Variants in NRF1 observed in about 807,000 individuals in gnomAD.
NRF1 encodes the protein nuclear respiratory factor 1.
A neutral mutation model predicts 58.5 loss-of-function variants in NRF1; 5 were observed. The ratio of observed to expected loss-of-function variants is 0.09; its 90% CI spans 0.04 to 0.18. The LOEUF (loss-of-function observed/expected upper bound fraction) is 0.18, where lower values mean the gene tolerates loss of function less well. Among genes scored for constraint, NRF1 ranks in the 10% least tolerant of loss-of-function variants. NRF1 has a pLI of 1.00. For synonymous variants in NRF1, 224 were observed against 246.7 expected, an observed-to-expected ratio of 0.91 and a Z score of 0.86; for missense variants, 288 against 657.7, an observed-to-expected ratio of 0.44 and a Z score of 6.15.
intron 1 of NRF1, among the ~76,000 whole-genome samples, chr7:129,634,132 A>G (rs950598174): frequency 1.3e-5 from 2 of 151,014 alleles, no homozygotes; most frequent in Non-Finnish European, 2.9e-5. Context: ...TTGAGTGGAG[A>G]GTATGGAGAG....
intron 5 of NRF1, among the ~76,000 whole-genome samples, chr7:129,705,746 T>A (rs974356931): frequency 6.6e-6 from 1 of 151,494 alleles, no homozygotes; most frequent in Non-Finnish European, 1.5e-5. Context: ...GGAGACCCCT[T>A]CTCTACAAAA....
intron 4 of NRF1, among the ~76,000 whole-genome samples, chr7:129,683,863 C>T (rs903144011): frequency 2.0e-5 from 3 of 152,054 alleles, no homozygotes; most frequent in East Asian, 3.9e-4. Flanking sequence ...GAACTCCTAA[C>T]CTCAGGTGAT....
At chr7:129,692,467 C>T (rs921461188) in intron 5 of NRF1, among the ~76,000 whole-genome samples, 1 of 151,974 alleles carries the variant, frequency 6.6e-6, no homozygotes, top group Non-Finnish European at 1.5e-5. Context: ...GTGGGAGGAT[C>T]GTTTGAGCCC....
At chr7:129,725,700 T>G (rs1432689160) in intron 9 of NRF1, among the ~76,000 whole-genome samples, 2 of 152,208 alleles carry the variant, frequency 1.3e-5, no homozygotes, top group African/African-American at 4.8e-5. Flanking sequence ...TCTTTTATAC[T>G]TAATAGAGTT....
At chr7:129,619,482 G>GTA (rs770017147) in intron 1 of NRF1, among the ~76,000 whole-genome samples, 4 of 31,166 alleles carry the variant, frequency 1.3e-4, no homozygotes, top group Non-Finnish European at 3.4e-4. Flanking sequence ...GTGTGTGTGT[G>GTA]TGTGTGTGTA....
chr7:129,626,970 T>G (rs1405679509), intron 1 of NRF1, among the ~76,000 whole-genome samples: 2 of 152,242 alleles, frequency 1.3e-5, no homozygotes, highest in African/African-American at 2.4e-5. Context: ...TGAAGTGGTA[T>G]TTTTAAAATA....
chr7:129,665,325 G>A (rs959441736), intron 2 of NRF1, among the ~76,000 whole-genome samples: 1 of 152,184 alleles, frequency 6.6e-6, no homozygotes, highest in African/African-American at 2.4e-5. Context: ...GGCTTCCTGG[G>A]TTGGAATCCC....
chr7:129,725,569 C>T (rs183354595), intron 9 of NRF1, among the ~76,000 whole-genome samples: 8 of 152,230 alleles, frequency 5.3e-5, no homozygotes, highest in South Asian at 4.2e-4. Context: ...TCAGGTGATC[C>T]GCCCGCCTTG....
At chr7:129,717,443 C>T (rs1281513653) in intron 9 of NRF1, 67 bp downstream of exon 9, 2 of 1,492,406 alleles carry the variant, frequency 1.3e-6, no homozygotes, top group Non-Finnish European at 1.8e-6. Flanking sequence ...GGTGGAGGCC[C>T]CTTAAAGAGA....
intron 1 of NRF1, among the ~76,000 whole-genome samples, chr7:129,653,427 A>G (rs1214817451): frequency 2.6e-5 from 4 of 152,270 alleles, no homozygotes; most frequent in East Asian, 3.9e-4. Context: ...TTTGGTTCCA[A>G]TTGATGAGCC....
intron 8 of NRF1, among the ~76,000 whole-genome samples, chr7:129,716,732 G>A (rs1171385058): frequency 1.3e-5 from 2 of 152,142 alleles, no homozygotes; most frequent in South Asian, 2.1e-4. Context: ...TTAGCCAGGG[G>A]TGGTGGTACA....
chr7:129,705,914 C>G (rs1802939082), intron 5 of NRF1, among the ~76,000 whole-genome samples: 1 of 151,792 alleles, frequency 6.6e-6, no homozygotes, highest in African/African-American at 2.4e-5. Flanking sequence ...GCACTCCAGC[C>G]TGGGCCACAG....
intron 2 of NRF1, among the ~76,000 whole-genome samples, chr7:129,662,382 TAGTGTG>T (rs1401278360): frequency 1.9e-5 from 2 of 107,842 alleles, no homozygotes; most frequent in African/African-American, 8.6e-5. Flanking sequence ...TTAGAATTTC[TAGTGTG>T]TGTGTGTGTG....
intron 10 of NRF1, among the ~76,000 whole-genome samples, chr7:129,730,004 T>C (rs1166672353): frequency 6.6e-6 from 1 of 151,936 alleles, no homozygotes; most frequent in South Asian, 2.1e-4. Context: ...CACGCCCAGA[T>C]AATTTTTGTG....
intron 10 of NRF1, among the ~76,000 whole-genome samples, chr7:129,754,464 T>TAAAAAAAAAAAAAAAAAAAAAAAA (rs57595268): frequency 3.9e-5 from 2 of 51,206 alleles, no homozygotes; most frequent in African/African-American, 9.5e-5. Context: ...CCCTGTCTCT[T>TAAAAAAAAAAAAAAAAAAAAAAAA]AAAAAAAAAA....
Position 129,719,497 on chromosome 7 carries a change from A to AACACACACACACACACACACACACAC in NRF1, c.1223+2143_1223+2168dup, listed in dbSNP as rs67443980. On this transcript the variant is annotated intron_variant, in intron 9 of 10. Transcript: ENST00000393232. Reference sequence around the variant, plus strand: ...TGGTTGATTAGGAATAGGAAACTGAAACACACACACACACACACACACACA... The same window carrying AACACACACACACACACACACACACAC: ...TGGTTGATTAGGAATAGGAAACTGAAACACACACACACACACACACACACACACACACACACACACACACACACACA... Among the ~76,000 whole-genome samples, 7 of 142,006 alleles carry AACACACACACACACACACACACACAC rather than the reference A, an allele frequency of 4.9e-5. 1 individual carries two copies. The South Asian group carries it at 6.8e-4, about 14-fold the overall frequency. The allele number at this position is 142,006 out of a possible 152,430, so 93.2% of individuals were successfully genotyped here. A position where few individuals can be genotyped will look rare whatever the true frequency, so the allele number is the denominator to read the frequency against.
At chr7:129,752,641 CAGG>C (rs1354054383) in intron 10 of NRF1, among the ~76,000 whole-genome samples, 2 of 151,970 alleles carry the variant, frequency 1.3e-5, no homozygotes, top group Non-Finnish European at 2.9e-5. Flanking sequence ...CACTTGAGCT[CAGG>C]AGTTCAAGAC....
At chr7:129,747,491 C>T (rs540709760) in intron 10 of NRF1, among the ~76,000 whole-genome samples, 1 of 152,238 alleles carries the variant, frequency 6.6e-6, no homozygotes, top group South Asian at 2.1e-4. Context: ...CATCTGTGAC[C>T]CCAGCCAGAC....
intron 7 of NRF1, among the ~76,000 whole-genome samples, 168 bp from the exon 8 acceptor site, chr7:129,711,307 T>G (rs2116197558): frequency 6.6e-6 from 1 of 152,352 alleles, no homozygotes; most frequent in South Asian, 2.1e-4. Context: ...AAACTCGTGA[T>G]AGTCTCTGAA....
Sources: gnomAD v4.1 joint callset for allele counts (sites outside exome capture counted in the v4.1 genomes callset) on GRCh38, gnomAD v4.1.1 for gene constraint, MANE v1.5 for transcripts, NCBI Gene and HGNC (gene_info 2026-07-23, HGNC 2026-07-21) for gene names.